The following LMNA variants were observed in gnomAD, a reference collection of about 807,000 sequenced individuals.
LMNA encodes the protein lamin A/C, also known as lamin.
LMNA carries 20 observed loss-of-function variants against 70.4 expected under a neutral mutation model. The observed-to-expected ratio is 0.28, with a 90% CI of 0.20 to 0.41. LMNA has a LOEUF of 0.41. Ranked by LOEUF, LMNA falls within the 10% of genes least tolerant of loss-of-function variation. LMNA has a pLI of 1.00. For missense variants in LMNA, 652 were observed against 917.2 expected, an observed-to-expected ratio of 0.71 and a Z score of 3.73; for synonymous variants, 339 against 372.8, an observed-to-expected ratio of 0.91 and a Z score of 1.04.
rs1235021953 is a variant in LMNA, at chr1:156,114,926, C to A, written c.8C>A (p.Thr3Asn). 1.3e-6 allele frequency: 2 copies of A among 1,555,598 alleles called. No homozygotes were observed. Among genetic ancestry groups the A allele is most frequent in the East Asian group, 2.4e-5 (1 of 41,394 alleles). The change falls in exon 1 of 12, where the codon ACC becomes AAC. Residue 3 changes from threonine (T) to asparagine (N), a missense_variant. Transcript: ENST00000368300. The stretch of plus-strand genomic sequence containing the variant: ...GCTGCCAACCTGCCGGCCATGGAGA[C>A]CCCGTCCCAGCGGCGCGCCACCCGC... ME[T>N]PSQRRATRSG...
Position 156,137,011 on chromosome 1 carries a change from G to T in LMNA, c.1471G>T (p.Ala491Ser), listed in dbSNP as rs1356585338. ...YRFPPKFTLK[A>S]GQVVTIWAAG... The stretch of plus-strand genomic sequence containing the variant: ...GTTCCCACCAAAGTTCACCCTGAAG[G>T]CTGGGCAGGTGGTGACGGTGAGTGG... The change falls in exon 8 of 12, where the codon GCT becomes TCT. Residue 491 changes from alanine to serine, a missense_variant. Physicochemically the swap from Ala to Ser is moderately conservative, Grantham distance 99 (BLOSUM62 1). Around this residue, in one of 4 missense-constraint regions of LMNA, gnomAD observed 327 missense variants for 387.6 expected, o/e 0.84. Transcript: ENST00000368300. This position sits in a 1 kb window ranked among gnomAD's most constrained non-coding sequence, Gnocchi z 4.6. 6.2e-7 allele frequency: 1 copy of T among 1,614,190 alleles called. No individual in the cohort carries two copies.
intron 1 of LMNA, chr1:156,126,940 C>A: frequency 6.4e-7 from 1 of 1,558,194 alleles, no homozygotes; most frequent in East Asian, 2.3e-5. Context: ...ATTTCCCGAC[C>A]CCTGCCCGGG....
intron 1 of LMNA, among the ~76,000 whole-genome samples, chr1:156,122,249 C>G (rs886633632): frequency 6.6e-6 from 1 of 152,156 alleles, no homozygotes; most frequent in African/African-American, 2.4e-5. Context: ...GCTGTGTGAC[C>G]TTGAGCAAAT....
At chr1:156,097,934 CGTGTGCGT>C (rs1318407398) in intron 3 of LMNA, among the ~76,000 whole-genome samples, 3 of 151,934 alleles carry the variant, frequency 2.0e-5, no homozygotes, top group Non-Finnish European at 4.4e-5. Flanking sequence ...GGCAGGGGTG[CGTGTGCGT>C]GTGTGCGTGC....
chr1:156,136,041 C>T lies in LMNA; in HGVS notation c.1077C>T (p.Tyr359=), dbSNP rs1651568187. 1.9e-6 allele frequency: 3 copies of T among 1,614,126 alleles called. No homozygotes were observed. Among genetic ancestry groups the T allele is most frequent in the Non-Finnish European group, 2.5e-6 (3 of 1,180,042 alleles). Residue 359 remains tyrosine (Y), a synonymous_variant, in exon 6 of 12, where the codon TAC becomes TAT. Coordinates refer to ENST00000368300, the MANE Select transcript of LMNA (RefSeq NM_170707.4). The surrounding 1 kb of genome is among the most constrained non-coding windows in gnomAD (Gnocchi z 6.1). ...GGATGCAGCAGCAGCTGGACGAGTACCAGGAGCTTCTGGACATCAAGCTGG... is the reference window on the plus strand; with the variant it reads ...GGATGCAGCAGCAGCTGGACGAGTATCAGGAGCTTCTGGACATCAAGCTGG... ...RARMQQQLDE[Y]QELLDIKLAL...
Position 156,137,557 on chromosome 1 carries a change from A to T in LMNA, c.1609-97A>T. ...GTAAGCAGCAGGCCGGACAAAGGGCAGGCCACAAGAAAAGTTGCAGGTGGT... is the reference window on the plus strand; with the variant it reads ...GTAAGCAGCAGGCCGGACAAAGGGCTGGCCACAAGAAAAGTTGCAGGTGGT... On this transcript the variant is annotated intron_variant, in intron 9 of 11. Coordinates refer to ENST00000368300, the MANE Select transcript of LMNA (RefSeq NM_170707.4). The surrounding 1 kb of genome is among the most constrained non-coding windows in gnomAD (Gnocchi z 4.6). The T allele has an allele frequency of 8.9e-7, 1 of 1,121,630 alleles. No homozygotes were observed. The highest frequency in any genetic ancestry group is 1.3e-6 in the Non-Finnish European group (1 of 762,924). The allele number at this position is 1,121,630 out of a possible 1,614,324, so 69.5% of individuals were successfully genotyped here.
Position 156,136,288 on chromosome 1 carries a change from G to A in LMNA, c.1232G>A (p.Gly411Asp), listed in dbSNP as rs267607647. 3.1e-6 allele frequency: 5 copies of A among 1,612,010 alleles called. No individual in the cohort carries two copies. The South Asian group carries it at 5.5e-5, about 18-fold the overall frequency. ...TCCTCTCACTCATCCCAGACACAGG[G>A]TGGGGGCAGCGTCACCAAAAAGCGC... ...RASSHSSQTQ[G>D]GGSVTKKRKL... Residue 411 changes from glycine (G) to aspartate (D), a missense_variant, in exon 7 of 12, where the codon GGT (glycine) becomes GAT (aspartate). Around this residue, in one of 4 missense-constraint regions of LMNA, gnomAD observed 327 missense variants for 387.6 expected, o/e 0.84. Transcript: ENST00000368300. The surrounding 1 kb of genome is among the most constrained non-coding windows in gnomAD (Gnocchi z 6.1).
Position 156,135,615 on chromosome 1 carries a change from A to T in LMNA, c.937-286A>T. 1 of 590,620 alleles carries T rather than the reference A, an allele frequency of 1.7e-6. No individual in the cohort carries two copies. Among genetic ancestry groups the T allele is most frequent in the Non-Finnish European group, 3.0e-6 (1 of 332,090 alleles). 36.6% of individuals were successfully genotyped at this position (590,620 alleles called of 1,614,324 possible). On this transcript the variant is annotated intron_variant, in intron 5 of 11. Coordinates refer to ENST00000368300, the MANE Select transcript of LMNA (RefSeq NM_170707.4). This position sits in a 1 kb window ranked among gnomAD's most constrained non-coding sequence, Gnocchi z 4.8. ...CAGGACTCTGCAATGTGAGGTGTTAAAAGCATCAGTATTTTTCTAGTTGGC... is the reference window on the plus strand; with the variant it reads ...CAGGACTCTGCAATGTGAGGTGTTATAAGCATCAGTATTTTTCTAGTTGGC...
intron 3 of LMNA, among the ~76,000 whole-genome samples, chr1:156,092,067 A>G (rs1320480346): frequency 6.6e-6 from 1 of 151,766 alleles, no homozygotes; most frequent in African/African-American, 2.4e-5. Context: ...ACAGGTATGC[A>G]TCACCACACC....
intron 2 of LMNA, among the ~76,000 whole-genome samples, chr1:156,088,514 G>A (rs1442832948): frequency 1.3e-5 from 2 of 152,238 alleles, no homozygotes; most frequent in East Asian, 3.9e-4. Context: ...AGGACAAAAT[G>A]GTCTTTGGGG....
At chr1:156,126,307 C>A (rs1030150761) in intron 1 of LMNA, 8 of 1,071,490 alleles carry the variant, frequency 7.5e-6, no homozygotes, top group Non-Finnish European at 1.0e-5. Flanking sequence ...TCTTCCCCTC[C>A]CACTTGTTAT....
chr1:156,114,961 C>A lies in LMNA; in HGVS notation c.43C>A (p.Gln15Lys). 1.3e-6 allele frequency: 2 copies of A among 1,583,906 alleles called. No homozygotes were observed. The highest frequency in any genetic ancestry group is 1.7e-6 in the Non-Finnish European group (2 of 1,165,478). The change falls in exon 1 of 12, where the codon CAG becomes AAG. Residue 15 changes from glutamine (Q) to lysine (K), a missense_variant. Physicochemically the swap from Gln to Lys is moderately conservative, Grantham distance 53. Coordinates refer to ENST00000368300, the MANE Select transcript of LMNA (RefSeq NM_170707.4). Reference sequence around the variant, plus strand: ...GCGGCGCGCCACCCGCAGCGGGGCGCAGGCCAGCTCCACTCCGCTGTCGCC... The same window carrying A: ...GCGGCGCGCCACCCGCAGCGGGGCGAAGGCCAGCTCCACTCCGCTGTCGCC... Reference protein sequence around the residue: ...SQRRATRSGAQASSTPLSPTR... With the variant: ...SQRRATRSGAKASSTPLSPTR...
chr1:156,103,907 G>C lies in LMNA; in HGVS notation c.-206-10806G>C, dbSNP rs1464662269. Among the ~76,000 whole-genome samples the C allele has an allele frequency of 6.6e-6, 1 of 152,104 alleles. No individual in the cohort carries two copies. The highest frequency in any genetic ancestry group is 1.5e-5 in the Non-Finnish European group (1 of 68,014). ...CCCTGCCCTTTCGAAGCCTCTAGTG[G>C]AGTCACTCCTTTCCTTCCCCGAACC... On this transcript the variant is annotated intron_variant, in intron 3 of 12. Transcript: ENST00000368301. The surrounding 1 kb of genome is among the most constrained non-coding windows in gnomAD (Gnocchi z 4.7).
chr1:156,112,004 G>A (rs1228202155), upstream of LMNA, among the ~76,000 whole-genome samples: 1 of 152,228 alleles, frequency 6.6e-6, no homozygotes, highest in Non-Finnish European at 1.5e-5. Flanking sequence ...GTTTCACTTT[G>A]AAGTTCAGAT....
intron 1 of LMNA, among the ~76,000 whole-genome samples, chr1:156,127,381 G>T (rs187195628): frequency 6.6e-6 from 1 of 152,038 alleles, no homozygotes; most frequent in African/African-American, 2.4e-5. Flanking sequence ...AACCACAAAG[G>T]TTCTTCCTCA....
In LMNA at chr1:156,114,782, C is replaced by G; in HGVS notation, c.-137C>G. 1.5e-6 allele frequency: 1 copy of G among 645,526 alleles called. No individual in the cohort carries two copies. Among genetic ancestry groups the G allele is most frequent in the Non-Finnish European group, 2.6e-6 (1 of 387,458 alleles). 40.0% of individuals were successfully genotyped at this position (645,526 alleles called of 1,614,324 possible). A position where few individuals can be genotyped will look rare whatever the true frequency, so the allele number is the denominator to read the frequency against. ...AGGTCCGACAGCGCCCGGCCCAGAT[C>G]CCCACGCCTGCCAGGAGCAAGCCGA... On this transcript the variant is annotated 5_prime_UTR_variant, in exon 1 of 12. In the 5' UTR this introduces an upstream ATG that the reference lacks. Transcript: ENST00000368300.
At position 156,134,611 on chromosome 1, in the gene LMNA, C is replaced by A; in HGVS notation, c.639+83C>A. The stretch of plus-strand genomic sequence containing the variant: ...TGGGCTAGGGGGGACCAGCTGTGTG[C>A]AGAGCTCGCCTTCCTGAGTCCCTTG... On this transcript the variant is annotated intron_variant, in intron 3 of 11. Transcript: ENST00000368300. This position sits in a 1 kb window ranked among gnomAD's most constrained non-coding sequence, Gnocchi z 5.3. 1.3e-6 allele frequency: 2 copies of A among 1,592,418 alleles called. No homozygotes were observed. The highest frequency in any genetic ancestry group is 2.2e-5 in the South Asian group (2 of 89,978).
rs1651678484 is a variant in LMNA at position 156,136,800 on chromosome 1, G to A, written c.1381-121G>A. 4 of 801,928 alleles carry A rather than the reference G, an allele frequency of 5.0e-6. No homozygotes were observed. Among genetic ancestry groups the A allele is most frequent in the South Asian group, 2.9e-5 (2 of 68,652 alleles). The allele number at this position is 801,928 out of a possible 1,614,324, so 49.7% of individuals were successfully genotyped here. A position where few individuals can be genotyped will look rare whatever the true frequency, so the allele number is the denominator to read the frequency against. On this transcript the variant is annotated intron_variant, in intron 7 of 11. Transcript: ENST00000368300. This position sits in a 1 kb window ranked among gnomAD's most constrained non-coding sequence, Gnocchi z 6.1. ...CCGGGGGAAGGGCAGTGACAGGGGTGTGTGTAGATGGAAGGAGAGGCCTCA... is the reference window on the plus strand; with the variant it reads ...CCGGGGGAAGGGCAGTGACAGGGGTATGTGTAGATGGAAGGAGAGGCCTCA...
chr1:156,135,123 A>G lies in LMNA; in HGVS notation c.811-64A>G, dbSNP rs574775364. 1.9e-6 allele frequency: 3 copies of G among 1,613,004 alleles called. No individual in the cohort carries two copies. Among genetic ancestry groups the G allele is most frequent in the South Asian group, 2.2e-5 (2 of 90,902 alleles). On this transcript the variant is annotated intron_variant, in intron 4 of 11. Coordinates refer to ENST00000368300, the MANE Select transcript of LMNA (RefSeq NM_170707.4). The surrounding 1 kb of genome is among the most constrained non-coding windows in gnomAD (Gnocchi z 4.8). ...CCTGGGGCTGTAGCAGTGATGCCCA[A>G]CTCAGGCCTGTGCCTCCACCCCTCC...
Sources: gnomAD v4.1 joint callset for allele counts (sites outside exome capture counted in the v4.1 genomes callset) on GRCh38, gnomAD v4.1.1 for gene constraint, gnomAD v4.1.1 regional missense constraint, Gnocchi (gnomAD v3.1) non-coding constraint, MANE v1.5 for transcripts, NCBI Gene and HGNC (gene_info 2026-07-23, HGNC 2026-07-21) for gene names.